IGF2BP2: variants seen among roughly 807,000 people sequenced by gnomAD.
IGF2BP2 encodes the protein insulin like growth factor 2 mRNA binding protein 2, also known as insulin-like growth factor 2 mRNA-binding protein 2.
IGF2BP2 carries 17 observed loss-of-function variants against 75.8 expected under a neutral mutation model. The ratio of observed to expected loss-of-function variants is 0.22; its 90% CI spans 0.15 to 0.34. The LOEUF (loss-of-function observed/expected upper bound fraction) is 0.34. IGF2BP2 is among the 10% of genes least tolerant of loss of function. The probability of loss-of-function intolerance (pLI) is 1.00; values close to 1 mark genes in which losing one functional copy is unlikely to be tolerated. For synonymous variants in IGF2BP2, 288 were observed against 295.6 expected, an observed-to-expected ratio of 0.97 and a Z score of 0.26; for missense variants, 516 against 772.4, an observed-to-expected ratio of 0.67 and a Z score of 3.93.
At chr3:185,813,306 C>T (rs1391633546) in intron 2 of IGF2BP2, among the ~76,000 whole-genome samples, 2 of 152,094 alleles carry the variant, frequency 1.3e-5, no homozygotes, top group African/African-American at 2.4e-5. Flanking sequence ...GTTCTCTATT[C>T]CTTAAAAGGG....
At chr3:185,655,465 A>G (rs1430720617) in intron 12 of IGF2BP2, among the ~76,000 whole-genome samples, 1 of 152,162 alleles carries the variant, frequency 6.6e-6, no homozygotes, top group African/African-American at 2.4e-5. Flanking sequence ...TTCCTTCACA[A>G]ATATTTGGCC....
At chr3:185,729,296 T>A (rs751874006) in intron 2 of IGF2BP2, among the ~76,000 whole-genome samples, 10 of 152,186 alleles carry the variant, frequency 6.6e-5, no homozygotes, top group Non-Finnish European at 1.5e-4. Context: ...TCATTTGTAC[T>A]TGACAGAACA....
At chr3:185,774,605 AAAG>A (rs1197662052) in intron 2 of IGF2BP2, among the ~76,000 whole-genome samples, 7 of 144,224 alleles carry the variant, frequency 4.9e-5, no homozygotes, top group Non-Finnish European at 6.1e-5. Context: ...AAAAAAAAAA[AAAG>A]AAAAGAAAAG....
intron 7 of IGF2BP2, among the ~76,000 whole-genome samples, chr3:185,685,335 G>A (rs534846044): frequency 3.2e-4 from 48 of 149,650 alleles, no homozygotes; most frequent in African/African-American, 9.6e-4. Flanking sequence ...GTGAAACTCC[G>A]TCTCAAAAAA....
At chr3:185,776,019 TAA>T (rs1734493562) in intron 2 of IGF2BP2, among the ~76,000 whole-genome samples, 1 of 152,148 alleles carries the variant, frequency 6.6e-6, no homozygotes, top group Non-Finnish European at 1.5e-5. Context: ...CAAGGCGGGA[TAA>T]TCACTTGAGC....
intron 2 of IGF2BP2, among the ~76,000 whole-genome samples, chr3:185,811,877 TCC>T (rs955422439): frequency 1.9e-4 from 9 of 48,004 alleles, no homozygotes; most frequent in South Asian, 7.4e-4. Flanking sequence ...TCTCTCTCTC[TCC>T]CCCTCTCCCT....
At chr3:185,696,533 T>C (rs1722603234) in intron 4 of IGF2BP2, 79 bp downstream of exon 4, 1 of 1,173,532 alleles carries the variant, frequency 8.5e-7, no homozygotes, top group Non-Finnish European at 1.3e-6. Context: ...TTACTATTTC[T>C]CCCTGGAGTT....
At chr3:185,772,262 T>C (rs1014532616) in intron 2 of IGF2BP2, among the ~76,000 whole-genome samples, 1 of 152,234 alleles carries the variant, frequency 6.6e-6, no homozygotes, top group African/African-American at 2.4e-5. Flanking sequence ...TAATGAATAC[T>C]GTGAGCCTTC....
chr3:185,771,357 C>T (rs763788876), intron 2 of IGF2BP2, among the ~76,000 whole-genome samples: 2 of 31,376 alleles, frequency 6.4e-5, no homozygotes, highest in African/African-American at 1.4e-4. Flanking sequence ...AGGAGAATCA[C>T]GTGAACCTGG....
chr3:185,713,070 A>G (rs1487024389), intron 2 of IGF2BP2, among the ~76,000 whole-genome samples: 1 of 145,688 alleles, frequency 6.9e-6, no homozygotes, highest in African/African-American at 2.7e-5. Context: ...CCCTACAGAT[A>G]TGTATGTGTG....
intron 2 of IGF2BP2, among the ~76,000 whole-genome samples, chr3:185,715,506 T>C (rs1578073718): frequency 6.6e-6 from 1 of 152,368 alleles, no homozygotes; most frequent in East Asian, 1.9e-4. Flanking sequence ...TTCTTCTTAT[T>C]GACTTTTCAT....
chr3:185,683,980 A>C (rs1425719728), intron 7 of IGF2BP2, among the ~76,000 whole-genome samples: 4 of 152,192 alleles, frequency 2.6e-5, no homozygotes, highest in Non-Finnish European at 4.4e-5. Flanking sequence ...GTGACATGAC[A>C]TCCTTTTCTT....
At chr3:185,662,410 G>A (rs1184396975) in intron 10 of IGF2BP2, among the ~76,000 whole-genome samples, 2 of 151,034 alleles carry the variant, frequency 1.3e-5, no homozygotes, top group African/African-American at 4.9e-5. Flanking sequence ...CCCGGGAGGC[G>A]GAGGTTGCAG....
At chr3:185,742,990 T>C (rs1729772478) in intron 2 of IGF2BP2, among the ~76,000 whole-genome samples, 1 of 151,784 alleles carries the variant, frequency 6.6e-6, no homozygotes, top group Non-Finnish European at 1.5e-5. Context: ...TCCCAGCTAC[T>C]AGGGAGGCTG....
intron 10 of IGF2BP2, among the ~76,000 whole-genome samples, chr3:185,667,197 A>T (rs1717772899): frequency 6.6e-6 from 1 of 152,240 alleles, no homozygotes; most frequent in East Asian, 1.9e-4. Context: ...ATTTTGGGAA[A>T]ATTGAATATC....
At chr3:185,789,845 T>G (rs373610828) in intron 2 of IGF2BP2, among the ~76,000 whole-genome samples, 1 of 151,340 alleles carries the variant, frequency 6.6e-6, no homozygotes, top group East Asian at 2.0e-4. Flanking sequence ...GTGATTCTCC[T>G]GCCTCAGCCT....
Position 185,665,479 on chromosome 3 carries a change from A to G in IGF2BP2, c.1200+7062T>C, listed in dbSNP as rs865919412. ...GGAGAAGAAGAAGAAGAAGAAGGAG[A>G]AGAAGGAGGAGAAGGAGGAGGAGAA... On this transcript the variant is annotated intron_variant, in intron 10 of 15. Coordinates refer to ENST00000382199, the MANE Select transcript of IGF2BP2 (RefSeq NM_006548.6). 5.0e-4 allele frequency among the ~76,000 whole-genome samples: 22 copies of G among 43,802 alleles called. 1 individual carries two copies. The highest frequency in any genetic ancestry group is 1.3e-3 in the African/African-American group (13 of 10,232). 28.7% of individuals were successfully genotyped at this position (43,802 alleles called of 152,430 possible).
intron 7 of IGF2BP2, among the ~76,000 whole-genome samples, chr3:185,680,334 C>T (rs1278625033): frequency 6.6e-6 from 1 of 152,040 alleles, no homozygotes; most frequent in Non-Finnish European, 1.5e-5. Context: ...CACAGAAAAG[C>T]CCAGGACCAG....
intron 10 of IGF2BP2, among the ~76,000 whole-genome samples, chr3:185,665,247 G>A (rs1717152993): frequency 7.0e-6 from 1 of 143,868 alleles, no homozygotes; most frequent in South Asian, 2.3e-4. Context: ...AGAAGGAGAA[G>A]AAGGAGAAGG....
Sources: gnomAD v4.1 joint callset for allele counts (sites outside exome capture counted in the v4.1 genomes callset) on GRCh38, gnomAD v4.1.1 for gene constraint, MANE v1.5 for transcripts, NCBI Gene and HGNC (gene_info 2026-07-23, HGNC 2026-07-21) for gene names.